CDKL2: variants seen among roughly 807,000 people sequenced by gnomAD.
The protein encoded by CDKL2 is cyclin-dependent kinase-like 2.
A neutral mutation model predicts 63.9 loss-of-function variants in CDKL2; 64 were observed. The observed-to-expected ratio is 1.00, with a 90% CI of 0.82 to 1.23. The LOEUF (loss-of-function observed/expected upper bound fraction) is 1.23. Among genes scored for constraint, CDKL2 ranks in the 50% most tolerant of loss-of-function variants. The pLI, the probability that CDKL2 is intolerant of heterozygous loss-of-function variation, is 0.00. For synonymous variants in CDKL2, 211 were observed against 229.2 expected, an observed-to-expected ratio of 0.92 and a Z score of 0.72; for missense variants, 656 against 668.0, an observed-to-expected ratio of 0.98 and a Z score of 0.20.
chr4:75,598,597 A>C lies in CDKL2; in HGVS notation c.885-385T>G, dbSNP rs569003504. On this transcript the variant is annotated intron_variant, in intron 7 of 13. Coordinates refer to ENST00000307465, the MANE Select transcript of CDKL2 (RefSeq NM_001330724.2). ...TCTCAGTTGCTTTTTTTTTTTAAAA[A>C]AAAAAAAGGCAGTCTTGCTTAAGAA... is the stretch of plus-strand genomic sequence containing the variant. 2.0e-5 allele frequency among the ~76,000 whole-genome samples: 3 copies of C among 151,870 alleles called. No individual in the cohort carries two copies. The South Asian group carries it at 6.3e-4, about 32-fold the overall frequency.
chr4:75,587,609 T>A (rs1162048769), intron 12 of CDKL2, among the ~76,000 whole-genome samples: 1 of 152,036 alleles, frequency 6.6e-6, no homozygotes, highest in Non-Finnish European at 1.5e-5. Flanking sequence ...TAGCACTGTA[T>A]ATTTTAAAGA....
At chr4:75,601,113 C>T (rs1471938662) in intron 6 of CDKL2, among the ~76,000 whole-genome samples, 2 of 152,036 alleles carry the variant, frequency 1.3e-5, no homozygotes, top group Non-Finnish European at 2.9e-5. Context: ...AAAAATATAT[C>T]GACCAATTGC....
chr4:75,588,507 C>T (rs1285516384), intron 12 of CDKL2, among the ~76,000 whole-genome samples: 2 of 152,008 alleles, frequency 1.3e-5, no homozygotes, highest in Non-Finnish European at 2.9e-5. Context: ...TTAAATTATA[C>T]ATGGAATAAC....
Position 75,598,299 on chromosome 4 carries a change from T to G in CDKL2, c.885-87A>C, listed in dbSNP as rs1729032068. The G allele has an allele frequency of 3.8e-6, 3 of 783,304 alleles. No homozygotes were observed. In the African/African-American group the frequency reaches 5.5e-5, roughly 14 times the overall value. The allele number at this position is 783,304 out of a possible 1,614,324, so 48.5% of individuals were successfully genotyped here. ...TTTCAAGATATTTATTTTTTAAAAA[T>G]TGAATGTTAAACTAGTCTATGTTAT... On this transcript the variant is annotated intron_variant, in intron 7 of 13. Coordinates refer to ENST00000307465, the MANE Select transcript of CDKL2 (RefSeq NM_001330724.2).
intron 12 of CDKL2, 74 bp downstream of exon 12, chr4:75,591,745 C>G: frequency 1.1e-6 from 1 of 952,158 alleles, no homozygotes; most frequent in South Asian, 1.7e-5. Flanking sequence ...AGAGCAAACT[C>G]TCCCTAAAAT....
intron 3 of CDKL2, among the ~76,000 whole-genome samples, chr4:75,612,224 C>T (rs1231981937): frequency 6.6e-6 from 1 of 152,176 alleles, no homozygotes; most frequent in Non-Finnish European, 1.5e-5. Flanking sequence ...CAGACCACGT[C>T]GGCCCCACAA....
At position 75,605,620 on chromosome 4, in the gene CDKL2, C is replaced by CA; in HGVS notation, c.556dup (p.Trp186LeufsTer9). 2 of 1,611,446 alleles carry CA rather than the reference C, an allele frequency of 1.2e-6. No individual in the cohort carries two copies. Among genetic ancestry groups the CA allele is most frequent in the Non-Finnish European group, 1.7e-6 (2 of 1,177,602 alleles). ...TTCAGTTACCAGACAACCAATGGCC[C>CA]ACACATCAACAGCCCTGAAAGAAAA... On this transcript the variant is annotated frameshift_variant, in exon 5 of 14. Coordinates refer to ENST00000307465, the MANE Select transcript of CDKL2 (RefSeq NM_001330724.2). LOFTEE classifies it high-confidence loss of function.
intron 3 of CDKL2, among the ~76,000 whole-genome samples, chr4:75,613,133 A>AAAAAAAG (rs9306984): frequency 6.6e-6 from 1 of 151,494 alleles, no homozygotes; most frequent in Admixed American, 6.6e-5. Context: ...TCAAAAAAAA[A>AAAAAAAG]TAGATTTTCT....
chr4:75,599,548 C>CAAAAAAAAAAAAAAAAAAA (rs71657365), intron 7 of CDKL2, among the ~76,000 whole-genome samples: 3 of 69,656 alleles, frequency 4.3e-5, no homozygotes, highest in Non-Finnish European at 7.7e-5. Flanking sequence ...GCAACAAGAG[C>CAAAAAAAAAAAAAAAAAAA]AAAAAAAAAA....
intron 1 of CDKL2, among the ~76,000 whole-genome samples, chr4:75,627,731 C>CTTTTT (rs57328528): frequency 9.3e-5 from 8 of 85,982 alleles, no homozygotes; most frequent in Admixed American, 1.6e-4. Flanking sequence ...CTTTTTTTTT[C>CTTTTT]TTTTTTTTTT....
chr4:75,579,115 T>C lies in CDKL2; in HGVS notation c.*87A>G. ...AAGGAAATGATCAAAACCATGAATC[T>C]CTCCTCTTGGGATATCAGCACTCTT... On this transcript the variant is annotated 3_prime_UTR_variant, in exon 14 of 14. Transcript: ENST00000307465. 1 of 152,296 alleles carries C rather than the reference T, an allele frequency of 6.6e-6. No individual in the cohort carries two copies. Among genetic ancestry groups the C allele is most frequent in the African/African-American group, 2.4e-5 (1 of 41,416 alleles). 9.4% of individuals were successfully genotyped at this position (152,296 alleles called of 1,614,324 possible).
At chr4:75,599,139 A>T (rs1352434930) in intron 7 of CDKL2, among the ~76,000 whole-genome samples, 1 of 152,218 alleles carries the variant, frequency 6.6e-6, no homozygotes, top group African/African-American at 2.4e-5. Flanking sequence ...CTAAAGCATG[A>T]TATTACAAAA....
intron 3 of CDKL2, among the ~76,000 whole-genome samples, chr4:75,608,996 GAAAAAA>G (rs5859470): frequency 1.7e-5 from 2 of 120,866 alleles, no homozygotes; most frequent in Admixed American, 8.0e-5. Context: ...TCCATCTCAA[GAAAAAA>G]AAAAAAAAAG....
At chr4:75,593,647 A>G (rs1433866052) in intron 10 of CDKL2, among the ~76,000 whole-genome samples, 1 of 152,224 alleles carries the variant, frequency 6.6e-6, no homozygotes, top group Non-Finnish European at 1.5e-5. Context: ...CTATTTTGAA[A>G]AGCCTTCCTG....
At chr4:75,587,947 G>A (rs1381987686) in intron 12 of CDKL2, among the ~76,000 whole-genome samples, 1 of 150,192 alleles carries the variant, frequency 6.7e-6, no homozygotes, top group Non-Finnish European at 1.5e-5. Context: ...GGGCGCGGTG[G>A]CTCACACCTG....
At position 75,600,330 on chromosome 4, in the gene CDKL2, C is replaced by A. The variant is rs144803383; in HGVS notation, c.835G>T (p.Ala279Ser). The change falls in exon 7 of 14, where the codon GCT becomes TCT. Residue 279 changes from alanine to serine, a missense_variant. Transcript: ENST00000307465. ...HIDPDKRPFC[A>S]ELLHHDFFQM... ...AAGAAATCATGGTGTAGGAGCTCAG[C>A]ACAGAAGGGTCTTTTGTCGGGGTCA... The A allele has an allele frequency of 1.2e-6, 2 of 1,613,588 alleles. No individual in the cohort carries two copies. The highest frequency in any genetic ancestry group is 2.7e-5 in the African/African-American group (2 of 74,862).
intron 8 of CDKL2, 134 bp downstream of exon 8, chr4:75,597,943 T>C: frequency 3.6e-6 from 2 of 548,318 alleles, no homozygotes; most frequent in Non-Finnish European, 6.3e-6. Flanking sequence ...ACTGAGAAGA[T>C]ACATTTTTAC....
At chr4:75,622,973 G>C (rs570686908) in intron 2 of CDKL2, among the ~76,000 whole-genome samples, 72 of 152,056 alleles carry the variant, frequency 4.7e-4, no homozygotes, top group African/African-American at 1.5e-3. Context: ...TATTCTACCA[G>C]ATATAAAAAC....
chr4:75,603,534 T>C (rs2148886072), intron 6 of CDKL2, among the ~76,000 whole-genome samples: 1 of 150,064 alleles, frequency 6.7e-6, no homozygotes, highest in Non-Finnish European at 1.5e-5. Context: ...ATTGAGACCA[T>C]CCTGGCTAAC....
Sources: allele counts gnomAD v4.1 joint callset (sites outside exome capture counted in the v4.1 genomes callset), GRCh38; gene constraint gnomAD v4.1.1; transcripts MANE v1.5; gene names NCBI Gene and HGNC (gene_info 2026-07-23, HGNC 2026-07-21).